Variants in ZNF385D observed in about 807,000 individuals in gnomAD.
The protein encoded by ZNF385D is zinc finger protein 659.
A neutral mutation model predicts 35.8 loss-of-function variants in ZNF385D; 15 were observed. The observed-to-expected ratio is 0.42, with a 90% CI of 0.28 to 0.64. The LOEUF is 0.64. Ranked by LOEUF, ZNF385D falls within the 30% of genes least tolerant of loss-of-function variation. The pLI is 0.23. For missense variants in ZNF385D, 474 were observed against 494.6 expected (o/e 0.96, Z 0.39); for synonymous variants, 212 against 186.8 (o/e 1.13, Z -1.10).
At chr3:21,524,506 C>T (rs1708109979) in intron 3 of ZNF385D, among the ~76,000 whole-genome samples, 1 of 152,110 alleles carries the variant, frequency 6.6e-6, no homozygotes, top group Admixed American at 6.5e-5. Context: ...TCTTAAAGTT[C>T]CAAACAAAGA....
At chr3:21,916,735 C>CT (rs1373345627) in intron 3 of ZNF385D, among the ~76,000 whole-genome samples, 2 of 152,190 alleles carry the variant, frequency 1.3e-5, no homozygotes, top group African/African-American at 4.8e-5. Flanking sequence ...TTACCCATTC[C>CT]TTATTGTTTG....
At chr3:21,934,415 A>C (rs1701163712) in intron 3 of ZNF385D, among the ~76,000 whole-genome samples, 1 of 152,172 alleles carries the variant, frequency 6.6e-6, no homozygotes, top group African/African-American at 2.4e-5. Flanking sequence ...CAATTAAGCT[A>C]TTTTGCTGCT....
chr3:21,892,360 T>C (rs1048125918), intron 3 of ZNF385D, among the ~76,000 whole-genome samples: 1 of 152,182 alleles, frequency 6.6e-6, no homozygotes, highest in Non-Finnish European at 1.5e-5. Context: ...GCCTCAGGTT[T>C]GCCCAAATAA....
chr3:22,177,538 T>C (rs530642254), intron 2 of ZNF385D, among the ~76,000 whole-genome samples: 1 of 152,182 alleles, frequency 6.6e-6, no homozygotes, highest in Non-Finnish European at 1.5e-5. Flanking sequence ...TAGTTCTCTG[T>C]GAAGTTTGAG....
At chr3:21,975,888 G>T (rs1378563062) in intron 3 of ZNF385D, among the ~76,000 whole-genome samples, 2 of 151,894 alleles carry the variant, frequency 1.3e-5, no homozygotes, top group Non-Finnish European at 2.9e-5. Context: ...TAACTACACA[G>T]GACAAGATGC....
chr3:21,560,286 C>T (rs34323566), intron 3 of ZNF385D, among the ~76,000 whole-genome samples: 22,522 of 152,224 alleles, frequency 0.15, 1,688 homozygotes, highest in East Asian at 0.16. Context: ...TTCTCCCCAT[C>T]TTCGTGGATT....
intron 3 of ZNF385D, among the ~76,000 whole-genome samples, chr3:21,830,562 A>G (rs1694925608): frequency 6.6e-6 from 1 of 152,194 alleles, no homozygotes; most frequent in East Asian, 1.9e-4. Context: ...TATGCTTAGC[A>G]ATTCTTACTT....
At position 21,420,997 on chromosome 3, in the gene ZNF385D, G is replaced by A. The variant is rs1575113045; in HGVS notation, c.*217C>T. 3.3e-5 allele frequency: 17 copies of A among 519,682 alleles called. 2 individuals are homozygous for A. The South Asian group carries it at 3.5e-4, about 11-fold the overall frequency. The allele number at this position is 519,682 out of a possible 1,614,324, so 32.2% of individuals were successfully genotyped here. A position where few individuals can be genotyped will look rare whatever the true frequency, so the allele number is the denominator to read the frequency against. On this transcript the variant is annotated 3_prime_UTR_variant, in exon 8 of 8. Transcript: ENST00000281523. Reference sequence around the variant, plus strand: ...GGAGATCACTTCTAAAACAATCAGCGTTCAAGAGGAATGCTTTAATTTGGA... The same window carrying A: ...GGAGATCACTTCTAAAACAATCAGCATTCAAGAGGAATGCTTTAATTTGGA...
At chr3:22,026,357 C>G (rs968820734) in intron 3 of ZNF385D, among the ~76,000 whole-genome samples, 1 of 152,114 alleles carries the variant, frequency 6.6e-6, no homozygotes, top group Admixed American at 6.5e-5. Context: ...GAATCTTTCT[C>G]CCATCCTTCC....
chr3:21,566,056 GT>G (rs1324228934), intron 2 of ZNF385D, among the ~76,000 whole-genome samples: 1 of 152,140 alleles, frequency 6.6e-6, no homozygotes, highest in Non-Finnish European at 1.5e-5. Flanking sequence ...CTCCTATTAG[GT>G]TGTCTAGGTA....
intron 3 of ZNF385D, among the ~76,000 whole-genome samples, chr3:22,008,846 A>T (rs1696383991): frequency 2.0e-5 from 3 of 152,254 alleles, no homozygotes; most frequent in African/African-American, 7.2e-5. Flanking sequence ...GCTAAATCAA[A>T]GCATATGAAG....
rs529511092 is a variant in ZNF385D, at chr3:21,766,365, T to C, written c.326-101337A>G. 2.0e-5 allele frequency among the ~76,000 whole-genome samples: 3 copies of C among 152,264 alleles called. No homozygotes were observed. In the East Asian group the frequency reaches 5.8e-4, roughly 29 times the overall value. On this transcript the variant is annotated intron_variant, in intron 3 of 5. Coordinates refer to the ZNF385D transcript ENST00000494108. ...TTTGACACATACCACAATTACTGCC[T>C]ATCTGTTATGGGTACAGGACATGGG... is the stretch of plus-strand genomic sequence containing the variant.
chr3:22,260,941 C>T (rs529912546), intron 2 of ZNF385D, among the ~76,000 whole-genome samples: 3 of 152,016 alleles, frequency 2.0e-5, no homozygotes, highest in East Asian at 1.9e-4. Flanking sequence ...TTCAAAATTA[C>T]ATTAAAACAT....
At chr3:21,768,032 C>G (rs529083855) in intron 3 of ZNF385D, among the ~76,000 whole-genome samples, 3 of 152,022 alleles carry the variant, frequency 2.0e-5, no homozygotes, top group Admixed American at 2.0e-4. Context: ...GGAACTGTAA[C>G]AACATGCACT....
At chr3:21,946,549 A>C (rs35541916) in intron 3 of ZNF385D, among the ~76,000 whole-genome samples, 1 of 149,180 alleles carries the variant, frequency 6.7e-6, no homozygotes, top group Non-Finnish European at 1.5e-5. Flanking sequence ...TTACTTTCTC[A>C]GGCCAAGCAC....
At chr3:21,654,605 TTGC>T (rs775870255) in intron 2 of ZNF385D, among the ~76,000 whole-genome samples, 1 of 152,032 alleles carries the variant, frequency 6.6e-6, no homozygotes, top group Non-Finnish European at 1.5e-5. Flanking sequence ...TCAACAATCT[TTGC>T]TGAAGGACCA....
In ZNF385D at chr3:22,302,891, T is replaced by C. The variant is rs535881390; in HGVS notation, c.106+69559A>G. Among the ~76,000 whole-genome samples, 554 of 152,252 alleles carry C rather than the reference T, an allele frequency of 3.6e-3. 4 individuals carry two copies. The highest frequency in any genetic ancestry group is 0.011 in the African/African-American group (471 of 41,576). ...TTTTATTTCTCTAGCTAAAGAAATATAAAATGTCTTTTAGTAATGATGACA... is the reference window on the plus strand; with the variant it reads ...TTTTATTTCTCTAGCTAAAGAAATACAAAATGTCTTTTAGTAATGATGACA... On this transcript the variant is annotated intron_variant, in intron 2 of 5. Coordinates refer to the ZNF385D transcript ENST00000494108.
chr3:21,763,950 A>G (rs2070724842), intron 3 of ZNF385D, among the ~76,000 whole-genome samples: 1 of 152,138 alleles, frequency 6.6e-6, no homozygotes, highest in Admixed American at 6.6e-5. Context: ...AGTAACTAAG[A>G]CAGATTTTTG....
intron 3 of ZNF385D, among the ~76,000 whole-genome samples, chr3:21,920,968 C>A (rs911876858): frequency 6.6e-6 from 1 of 152,090 alleles, no homozygotes; most frequent in East Asian, 1.9e-4. Context: ...GTAATCCCAG[C>A]ACTCTGGGAG....
Sources: allele counts gnomAD v4.1 joint callset (sites outside exome capture counted in the v4.1 genomes callset), GRCh38; gene constraint gnomAD v4.1.1; transcripts MANE v1.5; gene names NCBI Gene and HGNC (gene_info 2026-07-23, HGNC 2026-07-21).